The following ARB2A variants were observed in gnomAD, a reference collection of about 807,000 sequenced individuals.
ARB2A encodes the protein cotranscriptional regulator ARB2A.
the ARB2A span, among the ~76,000 whole-genome samples, chr5:93,855,361 T>A: frequency 4.6e-5 from 7 of 152,262 alleles, no homozygotes; most frequent in South Asian, 1.5e-3. Context: ...TCTCTGCATG[T>A]GAGATGGGTT....
chr5:93,693,237 C>G, the ARB2A span, among the ~76,000 whole-genome samples: 1 of 152,042 alleles, frequency 6.6e-6, no homozygotes, highest in African/African-American at 2.4e-5. Context: ...ACATGAAAAA[C>G]CCTTCAAAAA....
the ARB2A span, among the ~76,000 whole-genome samples, chr5:93,761,456 T>C: frequency 6.6e-6 from 1 of 152,146 alleles, no homozygotes; most frequent in African/African-American, 2.4e-5. Context: ...GCCTCGCTCA[T>C]TGCTAGCACA....
chr5:93,668,575 A>G, the ARB2A span, among the ~76,000 whole-genome samples: 1 of 152,334 alleles, frequency 6.6e-6, no homozygotes, highest in East Asian at 1.9e-4. Flanking sequence ...CCAAATTACC[A>G]AAGAGGCAGA....
chr5:93,838,763 C>T, the ARB2A span, among the ~76,000 whole-genome samples: 1 of 152,028 alleles, frequency 6.6e-6, no homozygotes, highest in Non-Finnish European at 1.5e-5. Context: ...TTTTACTTCC[C>T]TGGTTAGTCA....
the ARB2A span, among the ~76,000 whole-genome samples, chr5:93,970,958 T>C: frequency 3.9e-5 from 6 of 152,098 alleles, no homozygotes; most frequent in Non-Finnish European, 8.8e-5. Context: ...TATAAGCTCT[T>C]ACTATATTGA....
At chr5:94,083,401 G>A in the ARB2A span, among the ~76,000 whole-genome samples, 10 of 151,916 alleles carry the variant, frequency 6.6e-5, no homozygotes, top group East Asian at 1.9e-4. Flanking sequence ...TTCCACTCAC[G>A]AATATAAAGA....
chr5:93,766,247 A>C, the ARB2A span, among the ~76,000 whole-genome samples: 1 of 152,218 alleles, frequency 6.6e-6, no homozygotes, highest in Non-Finnish European at 1.5e-5. Flanking sequence ...CAGAGTCAAC[A>C]GGCAACCTAC....
At chr5:93,804,258 A>G in the ARB2A span, among the ~76,000 whole-genome samples, 4 of 152,046 alleles carry the variant, frequency 2.6e-5, no homozygotes, top group African/African-American at 9.7e-5. Context: ...GAAAAAGAAT[A>G]TAAAAGATAA....
chr5:94,045,015 A>G, the ARB2A span, among the ~76,000 whole-genome samples: 29 of 149,014 alleles, frequency 1.9e-4, no homozygotes, highest in African/African-American at 6.9e-4. Context: ...GCTACTTGGG[A>G]GACTGAGGTA....
At chr5:94,079,305 C>T in the ARB2A span, among the ~76,000 whole-genome samples, 6 of 152,162 alleles carry the variant, frequency 3.9e-5, no homozygotes, top group Non-Finnish European at 7.3e-5. Flanking sequence ...GAACACTCTT[C>T]CAACTATTTC....
chr5:94,091,355 A>G, the ARB2A span, among the ~76,000 whole-genome samples: 1 of 152,196 alleles, frequency 6.6e-6, no homozygotes, highest in Non-Finnish European at 1.5e-5. Context: ...GTTATTACCT[A>G]TAAATAATAT....
At chr5:93,853,086 T>C in the ARB2A span, among the ~76,000 whole-genome samples, 1 of 152,212 alleles carries the variant, frequency 6.6e-6, no homozygotes, top group Non-Finnish European at 1.5e-5. Context: ...TTCCTACCCA[T>C]GAGCATGGAA....
the ARB2A span, among the ~76,000 whole-genome samples, chr5:93,674,652 T>A: frequency 2.0e-5 from 3 of 152,186 alleles, no homozygotes; most frequent in Non-Finnish European, 2.9e-5. Context: ...AAAATGCACA[T>A]GGTTTATTGG....
At chr5:93,683,518 G>T in the ARB2A span, 1 of 1,544,602 alleles carries the variant, frequency 6.5e-7, no homozygotes, top group Middle Eastern at 2.3e-4. Flanking sequence ...GACTGCCTTC[G>T]TAATTCATGG....
chr5:93,741,328 C>A, the ARB2A span: 3 of 1,612,898 alleles, frequency 1.9e-6, no homozygotes, highest in East Asian at 2.2e-5. Context: ...ACGGGGCCTG[C>A]AGGGTGCTAT....
the ARB2A span, chr5:93,865,887 C>A: frequency 3.0e-6 from 3 of 985,252 alleles, no homozygotes; most frequent in African/African-American, 5.2e-5. Context: ...GTAGGAAAAA[C>A]AATGAATGTC....
the ARB2A span, among the ~76,000 whole-genome samples, chr5:93,770,648 T>A: frequency 1.7e-3 from 266 of 152,266 alleles, 4 homozygotes; most frequent in African/African-American, 6.3e-3. Flanking sequence ...TCTCAAGCAT[T>A]CTTATACACC....
At chr5:93,688,277 C>CT in the ARB2A span, among the ~76,000 whole-genome samples, 1 of 152,208 alleles carries the variant, frequency 6.6e-6, no homozygotes, top group East Asian at 1.9e-4. Flanking sequence ...CCTGGCCATT[C>CT]TTTAACTTTT....
chr5:94,025,422 T>G, the ARB2A span, among the ~76,000 whole-genome samples: 1 of 152,202 alleles, frequency 6.6e-6, no homozygotes, highest in Non-Finnish European at 1.5e-5. Flanking sequence ...TCCTATCATA[T>G]TAGTACCCGA....
Sources: gnomAD v4.1 joint callset for allele counts (sites outside exome capture counted in the v4.1 genomes callset) on GRCh38, gnomAD v4.1.1 for gene constraint, MANE v1.5 for transcripts, NCBI Gene and HGNC (gene_info 2026-07-23, HGNC 2026-07-21) for gene names.